PTPRT: variants seen among roughly 807,000 people sequenced by gnomAD.
PTPRT encodes the protein protein tyrosine phosphatase receptor type T, also known as receptor-type tyrosine-protein phosphatase T.
In PTPRT, 56 loss-of-function variants were observed where a neutral mutation model predicts 176.8. That is an observed-to-expected ratio of 0.32 (90% CI 0.26 to 0.40). PTPRT has a LOEUF of 0.40. Ranked by LOEUF, PTPRT falls within the 10% of genes least tolerant of loss-of-function variation. The probability of loss-of-function intolerance (pLI) is 1.00; values close to 1 mark genes in which losing one functional copy is unlikely to be tolerated. For synonymous variants in PTPRT, 783 were observed against 739.0 expected, an observed-to-expected ratio of 1.06 and a Z score of -0.96; for missense variants, 1,540 against 1,908.2, an observed-to-expected ratio of 0.81 and a Z score of 3.60.
chr20:42,299,228 C>T (rs995846332), intron 12 of PTPRT, among the ~76,000 whole-genome samples: 2 of 151,804 alleles, frequency 1.3e-5, no homozygotes, highest in African/African-American at 2.4e-5. Context: ...TTTAGAACCA[C>T]GTTATAATGT....
intron 9 of PTPRT, among the ~76,000 whole-genome samples, chr20:42,366,033 C>T (rs2058509352): frequency 6.6e-6 from 1 of 152,238 alleles, no homozygotes; most frequent in South Asian, 2.1e-4. Context: ...CCCATGACTT[C>T]CCTCCTGCTC....
chr20:42,511,083 A>ATTAG (rs1222232092), intron 7 of PTPRT, among the ~76,000 whole-genome samples: 2 of 152,100 alleles, frequency 1.3e-5, no homozygotes, highest in African/African-American at 4.8e-5. Flanking sequence ...CACATTGCAT[A>ATTAG]TTAGTACAGT....
intron 7 of PTPRT, among the ~76,000 whole-genome samples, chr20:42,493,742 G>C: frequency 6.7e-6 from 1 of 150,360 alleles, no homozygotes; most frequent in Non-Finnish European, 1.5e-5. Context: ...AAAGTTTTTT[G>C]GTTGACCCCT....
At chr20:42,842,760 G>C (rs11696397) in intron 2 of PTPRT, among the ~76,000 whole-genome samples, 13,170 of 152,236 alleles carry the variant, frequency 0.087, 688 homozygotes, top group Admixed American at 0.15. Flanking sequence ...AAAAGTCAAA[G>C]ATCAAGGTGG....
intron 1 of PTPRT, among the ~76,000 whole-genome samples, chr20:43,027,009 T>C (rs1985940472): frequency 6.6e-6 from 1 of 152,230 alleles, no homozygotes. Flanking sequence ...ATCTTGGCTA[T>C]TGTGAATAGT....
At chr20:42,115,969 T>C in intron 21 of PTPRT, 2 of 708,748 alleles carry the variant, frequency 2.8e-6, no homozygotes, top group Non-Finnish European at 5.3e-6. Context: ...CCCAGTCGAC[T>C]GTTTAAGTCG....
chr20:42,095,010 C>T (rs951650495), intron 27 of PTPRT, among the ~76,000 whole-genome samples: 16 of 152,196 alleles, frequency 1.1e-4, no homozygotes, highest in Non-Finnish European at 2.9e-5. Context: ...GGTAAGATTA[C>T]AGGCATGCCT....
chr20:42,783,819 G>C (rs2077249931), intron 3 of PTPRT, among the ~76,000 whole-genome samples: 1 of 152,200 alleles, frequency 6.6e-6, no homozygotes, highest in African/African-American at 2.4e-5. Context: ...GAAGTCTAGA[G>C]GTGACTCTGG....
At chr20:42,977,015 G>A (rs991968205) in intron 1 of PTPRT, among the ~76,000 whole-genome samples, 1 of 152,096 alleles carries the variant, frequency 6.6e-6, no homozygotes, top group Non-Finnish European at 1.5e-5. Flanking sequence ...TTTAACCACA[G>A]CACTGCCGAA....
intron 11 of PTPRT, among the ~76,000 whole-genome samples, chr20:42,327,387 G>A (rs950196836): frequency 1.3e-5 from 2 of 152,008 alleles, no homozygotes; most frequent in Non-Finnish European, 1.5e-5. Context: ...AAGCTTTAAA[G>A]GACAATTAAT....
At chr20:42,636,748 G>A (rs2074609830) in intron 7 of PTPRT, among the ~76,000 whole-genome samples, 1 of 152,042 alleles carries the variant, frequency 6.6e-6, no homozygotes, top group African/African-American at 2.4e-5. Flanking sequence ...TCACACCACT[G>A]CACTCCAGCC....
At chr20:43,177,839 T>C (rs2015156515) in intron 1 of PTPRT, among the ~76,000 whole-genome samples, 1 of 152,216 alleles carries the variant, frequency 6.6e-6, no homozygotes, top group Non-Finnish European at 1.5e-5. Flanking sequence ...AAAATATGTG[T>C]ATACTTTCTA....
At chr20:42,828,513 G>A (rs2078034258) in intron 2 of PTPRT, among the ~76,000 whole-genome samples, 3 of 152,166 alleles carry the variant, frequency 2.0e-5, no homozygotes, top group South Asian at 4.1e-4. Context: ...GGGGGAAAAT[G>A]TCTCCAGGGC....
intron 9 of PTPRT, among the ~76,000 whole-genome samples, chr20:42,436,471 C>G (rs1045043462): frequency 2.0e-5 from 3 of 152,064 alleles, no homozygotes; most frequent in African/African-American, 7.2e-5. Context: ...AGAGGGAATA[C>G]AAAGCAAGAC....
At chr20:42,827,608 G>C (rs1013588973) in intron 2 of PTPRT, among the ~76,000 whole-genome samples, 9 of 152,166 alleles carry the variant, frequency 5.9e-5, no homozygotes, top group Non-Finnish European at 1.2e-4. Flanking sequence ...GTTTGGCTGT[G>C]TCCCCACCCA....
intron 7 of PTPRT, among the ~76,000 whole-genome samples, chr20:42,579,237 C>G (rs1361130251): frequency 6.6e-6 from 1 of 152,020 alleles, no homozygotes; most frequent in Non-Finnish European, 1.5e-5. Flanking sequence ...AGGACATGAA[C>G]TCATCATTTT....
At chr20:42,397,947 A>G (rs1212333849) in intron 9 of PTPRT, among the ~76,000 whole-genome samples, 1 of 152,154 alleles carries the variant, frequency 6.6e-6, no homozygotes, top group African/African-American at 2.4e-5. Context: ...TTCTTGGGCA[A>G]TTTCTTATGT....
intron 7 of PTPRT, among the ~76,000 whole-genome samples, chr20:42,576,737 C>T (rs2145708136): frequency 6.6e-6 from 1 of 152,330 alleles, no homozygotes; most frequent in South Asian, 2.1e-4. Context: ...AATACGTTTA[C>T]ACATTTTCCT....
chr20:42,887,019 C>CA (rs2079114046), intron 1 of PTPRT, among the ~76,000 whole-genome samples: 1 of 152,178 alleles, frequency 6.6e-6, no homozygotes, highest in African/African-American at 2.4e-5. Context: ...TTTCACACTC[C>CA]AGTCCATCTT....
Sources: allele counts gnomAD v4.1 joint callset (sites outside exome capture counted in the v4.1 genomes callset), GRCh38; gene constraint gnomAD v4.1.1; transcripts MANE v1.5; gene names NCBI Gene and HGNC (gene_info 2026-07-23, HGNC 2026-07-21).